Variants in USP12 observed in about 807,000 individuals in gnomAD.
The protein encoded by USP12 is ubiquitin carboxyl-terminal hydrolase 12.
In USP12, 19 loss-of-function variants were observed where a neutral mutation model predicts 45.5. The observed-to-expected ratio is 0.42, with a 90% CI of 0.29 to 0.61. The LOEUF is 0.61. Ranked by LOEUF, USP12 falls within the 20% of genes least tolerant of loss-of-function variation. USP12 has a pLI of 0.22. For synonymous variants in USP12, 149 were observed against 148.8 expected (o/e 1.00, Z -0.01); for missense variants, 242 against 447.7 (o/e 0.54, Z 4.15).
intron 1 of USP12, among the ~76,000 whole-genome samples, chr13:27,163,768 T>TAAAAAAAAAAAAAAAAAAAAAAAAAAAAA (rs34384911): frequency 1.2e-5 from 1 of 83,298 alleles, no homozygotes; most frequent in Non-Finnish European, 2.3e-5. Context: ...AGACCTGTCT[T>TAAAAAAAAAAAAAAAAAAAAAAAAAAAAA]AAAAAAAAAA....
chr13:27,165,588 C>A (rs545082949), intron 1 of USP12, among the ~76,000 whole-genome samples: 48 of 152,234 alleles, frequency 3.2e-4, no homozygotes, highest in African/African-American at 1.0e-3. Flanking sequence ...ATTTTACTCT[C>A]ACTTTACAGG....
At chr13:27,150,214 TAC>T (rs1213088945) in intron 1 of USP12, among the ~76,000 whole-genome samples, 1 of 152,184 alleles carries the variant, frequency 6.6e-6, no homozygotes, top group Non-Finnish European at 1.5e-5. Context: ...CACAAATACA[TAC>T]AATTATGTCA....
rs546647398 is a variant in USP12 at position 27,116,108 on chromosome 13, C to T, written c.129+408G>A. ...TTGGCGGATCATGAGGTCAGGAGATCGAGACCATCCTGGCTAACACGGTGA... is the reference window on the plus strand; with the variant it reads ...TTGGCGGATCATGAGGTCAGGAGATTGAGACCATCCTGGCTAACACGGTGA... On this transcript the variant is annotated intron_variant, in intron 2 of 8. Coordinates refer to ENST00000282344, the MANE Select transcript of USP12 (RefSeq NM_182488.4). 9.4e-4 allele frequency among the ~76,000 whole-genome samples: 143 copies of T among 152,000 alleles called. 1 individual carries two copies. Among genetic ancestry groups the T allele is most frequent in the Non-Finnish European group, 5.1e-4 (35 of 67,978 alleles).
At chr13:27,141,576 T>A (rs1877060249) in intron 1 of USP12, among the ~76,000 whole-genome samples, 1 of 152,140 alleles carries the variant, frequency 6.6e-6, no homozygotes, top group African/African-American at 2.4e-5. Flanking sequence ...AGGAGCCAGC[T>A]TGAAGCTATT....
chr13:27,114,769 TAA>T lies in USP12; in HGVS notation c.129+1745_129+1746del, dbSNP rs11366017. Among the ~76,000 whole-genome samples the T allele has an allele frequency of 4.1e-3, 591 of 142,730 alleles. 2 individuals carry two copies. The highest frequency in any genetic ancestry group is 5.5e-3 in the Non-Finnish European group (352 of 64,494). The allele number at this position is 142,730 out of a possible 152,430, so 93.6% of individuals were successfully genotyped here. On this transcript the variant is annotated intron_variant, in intron 2 of 8. Coordinates refer to ENST00000282344, the MANE Select transcript of USP12 (RefSeq NM_182488.4). ...TGGGTATTTTCCTCCTCTCCATTTTTAAAAAAAAAAAAAAAACAAACTTGAGC... is the reference window on the plus strand; with the variant it reads ...TGGGTATTTTCCTCCTCTCCATTTTTAAAAAAAAAAAAAACAAACTTGAGC...
At position 27,165,538 on chromosome 13, in the gene USP12, TG is replaced by T. The variant is rs576517887; in HGVS notation, c.48+6053del. Among the ~76,000 whole-genome samples, 1,292 of 152,282 alleles carry T rather than the reference TG, an allele frequency of 8.5e-3. 13 individuals carry two copies. Among genetic ancestry groups the T allele is most frequent in the Middle Eastern group, 0.024 (7 of 294 alleles). On this transcript the variant is annotated intron_variant, in intron 1 of 8. Transcript: ENST00000282344. ...AGCCAACATGACACAGTGATTACCA[TG>T]GGCCAGGTACTAGTCAACAACCCTA...
intron 2 of USP12, among the ~76,000 whole-genome samples, chr13:27,111,139 T>C (rs1270837620): frequency 6.6e-6 from 1 of 152,190 alleles, no homozygotes; most frequent in Non-Finnish European, 1.5e-5. Context: ...ATTAGTCTTC[T>C]TTTATTTACT....
chr13:27,171,529 C>A, intron 1 of USP12, 63 bp downstream of exon 1: 13 of 930,224 alleles, frequency 1.4e-5, no homozygotes, highest in Admixed American at 3.6e-5. Context: ...AGAGGCGGGT[C>A]CAGCGCCGCC....
At chr13:27,077,935 T>C (rs1565981937) in intron 6 of USP12, 1 of 152,148 alleles carries the variant, frequency 6.6e-6, no homozygotes, top group Non-Finnish European at 1.5e-5. Context: ...TAGAACATAA[T>C]GTTTTCTACA....
intron 4 of USP12, among the ~76,000 whole-genome samples, chr13:27,095,393 T>C (rs1448498802): frequency 1.3e-5 from 2 of 152,182 alleles, no homozygotes; most frequent in African/African-American, 4.8e-5. Flanking sequence ...ACAGTAAGTA[T>C]CTTTCTATCA....
chr13:27,115,122 G>A (rs1875665715), intron 2 of USP12, among the ~76,000 whole-genome samples: 1 of 152,140 alleles, frequency 6.6e-6, no homozygotes, highest in South Asian at 2.1e-4. Context: ...GAGACCAGAA[G>A]CTTATATTTC....
rs894356152 is a variant in USP12 at position 27,133,456 on chromosome 13, G to C, written c.49-16860C>G. ...ATCCTGGCTAACATGGTGAAACCCCGTCTCCACTAAAAAATACAAAAATTA... is the reference window on the plus strand; with the variant it reads ...ATCCTGGCTAACATGGTGAAACCCCCTCTCCACTAAAAAATACAAAAATTA... On this transcript the variant is annotated intron_variant, in intron 1 of 8. Coordinates refer to ENST00000282344, the MANE Select transcript of USP12 (RefSeq NM_182488.4). Among the ~76,000 whole-genome samples, 26 of 152,090 alleles carry C rather than the reference G, an allele frequency of 1.7e-4. No individual in the cohort carries two copies. The Middle Eastern group carries it at 0.01, about 60-fold the overall frequency.
chr13:27,158,987 G>A (rs1877975720), intron 1 of USP12, among the ~76,000 whole-genome samples: 1 of 152,174 alleles, frequency 6.6e-6, no homozygotes, highest in South Asian at 2.1e-4. Flanking sequence ...ATATGCACAG[G>A]TAATGTCTGG....
At chr13:27,072,355 G>A (rs1873285508) in intron 7 of USP12, among the ~76,000 whole-genome samples, 1 of 152,114 alleles carries the variant, frequency 6.6e-6, no homozygotes, top group Admixed American at 6.5e-5. Context: ...AAGTTAGGCG[G>A]CTTTTTCCTT....
chr13:27,090,178 T>C lies in USP12; in HGVS notation c.574-20A>G. On this transcript the variant is annotated intron_variant, in intron 4 of 8. Coordinates refer to ENST00000282344, the MANE Select transcript of USP12 (RefSeq NM_182488.4). ...GCTTATCTGTAAAAACAGTGAATTG[T>C]CTTTGATTTTTTCAAATACTAGTAA... 3 of 1,559,860 alleles carry C rather than the reference T, an allele frequency of 1.9e-6. No homozygotes were observed. Among genetic ancestry groups the C allele is most frequent in the Non-Finnish European group, 2.6e-6 (3 of 1,143,354 alleles).
At position 27,103,351 on chromosome 13, in the gene USP12, A is replaced by T. The variant is rs138304963; in HGVS notation, c.343+2380T>A. Among the ~76,000 whole-genome samples, 70 of 152,266 alleles carry T rather than the reference A, an allele frequency of 4.6e-4. 2 individuals carry two copies. In the East Asian group the frequency reaches 0.013, roughly 29 times the overall value. On this transcript the variant is annotated intron_variant, in intron 3 of 8. Transcript: ENST00000282344. ...TCAAGGGAAAATTCAAAAGCCAAAA[A>T]TATATTTCAAAACATATTTGCAAAT...
intron 1 of USP12, among the ~76,000 whole-genome samples, chr13:27,156,362 C>T (rs1877843585): frequency 1.3e-5 from 2 of 152,128 alleles, no homozygotes; most frequent in South Asian, 4.1e-4. Context: ...AGCTATGTGA[C>T]AATCTGATTT....
intron 1 of USP12, among the ~76,000 whole-genome samples, chr13:27,147,742 T>C (rs571188001): frequency 3.9e-4 from 59 of 152,016 alleles, no homozygotes; most frequent in African/African-American, 1.4e-3. Context: ...GGGTAATATA[T>C]TCAAAGCGCT....
At chr13:27,103,598 CAAAA>C (rs376135830) in intron 3 of USP12, among the ~76,000 whole-genome samples, 2,923 of 128,732 alleles carry the variant, frequency 0.023, 81 homozygotes, top group African/African-American at 0.059. Flanking sequence ...ATTGAACTAT[CAAAA>C]AAAAAAATAA....
Sources: gnomAD v4.1 joint callset for allele counts (sites outside exome capture counted in the v4.1 genomes callset) on GRCh38, gnomAD v4.1.1 for gene constraint, MANE v1.5 for transcripts, NCBI Gene and HGNC (gene_info 2026-07-23, HGNC 2026-07-21) for gene names.